DTNA: variants seen among roughly 807,000 people sequenced by gnomAD.
The protein encoded by DTNA is dystrobrevin alpha.
DTNA carries 43 observed loss-of-function variants against 100.7 expected under a neutral mutation model. The observed-to-expected ratio is 0.43, with a 90% CI of 0.33 to 0.55. DTNA has a LOEUF of 0.55. Ranked by LOEUF, DTNA falls within the 20% of genes least tolerant of loss-of-function variation. The probability of loss-of-function intolerance (pLI) is 0.04; values close to 1 mark genes in which losing one functional copy is unlikely to be tolerated. For synonymous variants in DTNA, 349 were observed against 347.9 expected, an observed-to-expected ratio of 1.00 and a Z score of -0.04; for missense variants, 798 against 953.9, an observed-to-expected ratio of 0.84 and a Z score of 2.15.
chr18:34,771,552 T>A (rs1374085750), intron 3 of DTNA, among the ~76,000 whole-genome samples: 1 of 152,108 alleles, frequency 6.6e-6, no homozygotes, highest in Non-Finnish European at 1.5e-5. Context: ...GTCAAAGGGT[T>A]CTCCTTTCCA....
At chr18:34,721,339 G>T (rs904342851) in intron 1 of DTNA, among the ~76,000 whole-genome samples, 4 of 152,160 alleles carry the variant, frequency 2.6e-5, no homozygotes, top group African/African-American at 9.7e-5. Context: ...TTTCAAGGTA[G>T]TTTATGTACA....
At chr18:34,519,153 C>T (rs1456407688) in intron 1 of DTNA, among the ~76,000 whole-genome samples, 1 of 152,112 alleles carries the variant, frequency 6.6e-6, no homozygotes, top group Non-Finnish European at 1.5e-5. Flanking sequence ...TTGTTTTAAA[C>T]TTCTTGAGTT....
chr18:34,714,729 A>G (rs1470211535), intron 1 of DTNA, among the ~76,000 whole-genome samples: 1 of 152,146 alleles, frequency 6.6e-6, no homozygotes, highest in Non-Finnish European at 1.5e-5. Flanking sequence ...CCACCCATAA[A>G]TCATGCTGCT....
chr18:34,587,678 T>C (rs2049279580), intron 1 of DTNA, among the ~76,000 whole-genome samples: 1 of 152,186 alleles, frequency 6.6e-6, no homozygotes, highest in African/African-American at 2.4e-5. Flanking sequence ...CTCTCCCAGG[T>C]TGTGTAGCTA....
intron 1 of DTNA, among the ~76,000 whole-genome samples, chr18:34,514,303 G>A (rs995644288): frequency 1.3e-5 from 2 of 152,090 alleles, no homozygotes; most frequent in Non-Finnish European, 2.9e-5. Flanking sequence ...TTACCTGGTT[G>A]TTGGGGGGAG....
At chr18:34,762,472 G>A (rs777163198) in intron 2 of DTNA, among the ~76,000 whole-genome samples, 1 of 152,128 alleles carries the variant, frequency 6.6e-6, no homozygotes, top group African/African-American at 2.4e-5. Flanking sequence ...TCAATGACTC[G>A]AATGAAGACA....
At chr18:34,869,634 C>T (rs1311293468) in intron 17 of DTNA, among the ~76,000 whole-genome samples, 1 of 152,138 alleles carries the variant, frequency 6.6e-6, no homozygotes, top group Non-Finnish European at 1.5e-5. Context: ...TATATGAGTG[C>T]AATGAAACAT....
chr18:34,751,985 T>C (rs2092359490), intron 1 of DTNA, among the ~76,000 whole-genome samples: 2 of 152,350 alleles, frequency 1.3e-5, no homozygotes, highest in South Asian at 4.1e-4. Context: ...CCTGTATAAT[T>C]TGTGGGACTG....
chr18:34,664,862 A>T (rs1405095623), intron 1 of DTNA, among the ~76,000 whole-genome samples: 1 of 152,168 alleles, frequency 6.6e-6, no homozygotes, highest in Non-Finnish European at 1.5e-5. Context: ...GGTCTTCAGA[A>T]CAAAAAGTTT....
chr18:34,533,685 C>T (rs1197326928), intron 1 of DTNA, among the ~76,000 whole-genome samples: 2 of 151,420 alleles, frequency 1.3e-5, no homozygotes, highest in African/African-American at 2.4e-5. Context: ...ATCATTATGC[C>T]GAAGAAGAAA....
intron 1 of DTNA, among the ~76,000 whole-genome samples, chr18:34,597,965 C>A (rs1247927756): frequency 6.6e-6 from 1 of 152,194 alleles, no homozygotes; most frequent in Non-Finnish European, 1.5e-5. Context: ...CAGTCACTGA[C>A]ACACAGGAAC....
chr18:34,567,981 T>G (rs1292706775), intron 1 of DTNA, among the ~76,000 whole-genome samples: 1 of 152,190 alleles, frequency 6.6e-6, no homozygotes, highest in East Asian at 1.9e-4. Context: ...TTATGCGGTT[T>G]TCTTACATGA....
At chr18:34,628,032 A>T (rs1226563178) in intron 1 of DTNA, among the ~76,000 whole-genome samples, 3 of 151,944 alleles carry the variant, frequency 2.0e-5, no homozygotes, top group African/African-American at 7.3e-5. Context: ...CTCAAGTGAT[A>T]CTTCTGCCTC....
intron 1 of DTNA, among the ~76,000 whole-genome samples, chr18:34,516,713 C>T (rs933447909): frequency 2.6e-5 from 4 of 152,120 alleles, no homozygotes; most frequent in Non-Finnish European, 5.9e-5. Flanking sequence ...CTGTTCTGTT[C>T]GGCCCCTTAG....
At chr18:34,524,442 C>T (rs2042422168) in intron 1 of DTNA, among the ~76,000 whole-genome samples, 1 of 152,028 alleles carries the variant, frequency 6.6e-6, no homozygotes, top group Non-Finnish European at 1.5e-5. Flanking sequence ...ATGAAATTTT[C>T]CAGTCTTGAG....
At chr18:34,644,903 A>G (rs2059667938) in intron 1 of DTNA, among the ~76,000 whole-genome samples, 1 of 152,134 alleles carries the variant, frequency 6.6e-6, no homozygotes, top group Non-Finnish European at 1.5e-5. Context: ...CCTGTACTGA[A>G]GAAAATATTT....
At chr18:34,677,448 C>T (rs2077528137) in intron 1 of DTNA, among the ~76,000 whole-genome samples, 1 of 152,154 alleles carries the variant, frequency 6.6e-6, no homozygotes, top group African/African-American at 2.4e-5. Context: ...GTCCCTAGGA[C>T]AATACCAAGT....
At chr18:34,548,910 A>G (rs1414949810) in intron 1 of DTNA, among the ~76,000 whole-genome samples, 1 of 152,138 alleles carries the variant, frequency 6.6e-6, no homozygotes, top group Non-Finnish European at 1.5e-5. Context: ...CAAGTCTGTG[A>G]AAGTGTTCTA....
chr18:34,820,498 C>G (rs1240414556), intron 8 of DTNA, among the ~76,000 whole-genome samples: 5 of 152,180 alleles, frequency 3.3e-5, no homozygotes, highest in Admixed American at 1.3e-4. Context: ...AATGACCTTC[C>G]CAGTCTGCTG....
Sources: allele counts gnomAD v4.1 joint callset (sites outside exome capture counted in the v4.1 genomes callset), GRCh38; gene constraint gnomAD v4.1.1; transcripts MANE v1.5; gene names NCBI Gene and HGNC (gene_info 2026-07-23, HGNC 2026-07-21).